Variants in PTPN3 observed in about 807,000 individuals in gnomAD.
The protein encoded by PTPN3 is tyrosine-protein phosphatase non-receptor type 3.
In PTPN3, 96 loss-of-function variants were observed where a neutral mutation model predicts 132.7. That is an observed-to-expected ratio of 0.72 (90% CI 0.61 to 0.86). The LOEUF is 0.86. PTPN3 is among the 40% of genes least tolerant of loss of function. PTPN3 has a pLI of 0.00. For synonymous variants in PTPN3, 398 were observed against 429.0 expected, an observed-to-expected ratio of 0.93 and a Z score of 0.89; for missense variants, 1,125 against 1,159.6, an observed-to-expected ratio of 0.97 and a Z score of 0.43.
chr9:109,450,525 T>C (rs1845179227), intron 5 of PTPN3: 2 of 985,086 alleles, frequency 2.0e-6, no homozygotes, highest in African/African-American at 1.7e-5. Context: ...TTGTCATATA[T>C]TGAGCAAAGT....
At chr9:109,391,037 C>G in intron 21 of PTPN3, 101 bp downstream of exon 21, 3 of 1,067,554 alleles carry the variant, frequency 2.8e-6, no homozygotes. Context: ...CGGTGGTGAA[C>G]GGGAAAGCAC....
chr9:109,439,901 T>G (rs1216256440), intron 7 of PTPN3, among the ~76,000 whole-genome samples: 2 of 150,528 alleles, frequency 1.3e-5, no homozygotes, highest in African/African-American at 4.9e-5. Context: ...ACAGCCAGAC[T>G]CTGTCTCAAA....
chr9:109,391,870 T>TG (rs367927103), intron 19 of PTPN3, among the ~76,000 whole-genome samples: 8,803 of 29,014 alleles, frequency 0.3, 1,097 homozygotes, highest in South Asian at 0.34. Context: ...CAACTAGATG[T>TG]GGGGGGGGGG....
intron 14 of PTPN3, among the ~76,000 whole-genome samples, chr9:109,415,040 G>GTCCGTCCGTCCATCCA (rs1379092108): frequency 1.4e-5 from 2 of 147,060 alleles, no homozygotes; most frequent in Non-Finnish European, 3.0e-5. Context: ...CTGTCCGTCC[G>GTCCGTCCGTCCATCCA]TCCGTCCGTC....
At chr9:109,462,742 G>A (rs1200707678) in intron 2 of PTPN3, among the ~76,000 whole-genome samples, 1 of 151,988 alleles carries the variant, frequency 6.6e-6, no homozygotes, top group Non-Finnish European at 1.5e-5. Context: ...ACCTCCCCAA[G>A]CCCTGCCATC....
intron 1 of PTPN3, among the ~76,000 whole-genome samples, chr9:109,489,448 C>T (rs1473057611): frequency 6.6e-6 from 1 of 152,202 alleles, no homozygotes; most frequent in Non-Finnish European, 1.5e-5. Flanking sequence ...TGCTGGCTCA[C>T]CCTGCACTGA....
At chr9:109,424,350 A>G (rs1208033495) in intron 12 of PTPN3, among the ~76,000 whole-genome samples, 2 of 152,208 alleles carry the variant, frequency 1.3e-5, no homozygotes, top group Non-Finnish European at 2.9e-5. Context: ...AGTATGCTGA[A>G]GCTGGCACAG....
chr9:109,399,710 C>T (rs1054505972), intron 19 of PTPN3, among the ~76,000 whole-genome samples: 13 of 151,260 alleles, frequency 8.6e-5, no homozygotes, highest in African/African-American at 2.9e-4. Context: ...CCAGCTCTCG[C>T]AGAAGGGAAT....
chr9:109,436,930 T>C lies in PTPN3; in HGVS notation c.628A>G (p.Ile210Val). ...QSEAESCYIN[I>V]ARTLDFYGVE... is the part of the protein sequence containing the mutation. ...CCATAGAAGTCGAGGGTCCGCGCTA[T>C]GTTGATATAGCAGGATTCTGCTTCT... is the stretch of plus-strand genomic sequence containing the variant. The change falls in exon 9 of 26, where the codon ATA becomes GTA. Residue 210 changes from isoleucine (I) to valine (V), a missense_variant. Transcript: ENST00000374541. 1 of 1,614,114 alleles carries C rather than the reference T, an allele frequency of 6.2e-7. No individual in the cohort carries two copies. The highest frequency in any genetic ancestry group is 8.5e-7 in the Non-Finnish European group (1 of 1,179,992).
the PTPN3 span, chr9:109,533,465 G>T: frequency 3.2e-6 from 5 of 1,560,382 alleles, no homozygotes; most frequent in Non-Finnish European, 4.4e-6. Context: ...TTTTCTGTGT[G>T]TCTGCGTCGG....
chr9:109,534,502 C>T, the PTPN3 span, among the ~76,000 whole-genome samples: 2 of 152,054 alleles, frequency 1.3e-5, no homozygotes, highest in Non-Finnish European at 2.9e-5. Context: ...TGTGGCCGGG[C>T]GTGGTGGCTC....
rs191407624 is a variant in PTPN3, at chr9:109,423,274, G to A, written c.1002-422C>T. Among the ~76,000 whole-genome samples, 336 of 152,292 alleles carry A rather than the reference G, an allele frequency of 2.2e-3. 3 individuals carry two copies. Among genetic ancestry groups the A allele is most frequent in the Non-Finnish European group, 3.1e-3 (212 of 68,018 alleles). ...GCAGGAGCTGTCACTATAAATCACTGGTAAATCTTTGAGAGAGAATCTGAA... is the reference window on the plus strand; with the variant it reads ...GCAGGAGCTGTCACTATAAATCACTAGTAAATCTTTGAGAGAGAATCTGAA... On this transcript the variant is annotated intron_variant, in intron 12 of 25. Transcript: ENST00000374541.
chr9:109,382,316 G>A lies in PTPN3; in HGVS notation c.2514C>T (p.Val838=), dbSNP rs1188791936. ...AAGCGCCATACCTGCAGTGAACTAG[G>A]ACGGGCTCGCTGTCCACTCTCAGAG... The part of the protein sequence containing the change: ...VRSLRVDSEP[V]LVHCSAGIGR... The change falls in exon 24 of 26, where the codon GTC becomes GTT. Residue 838 remains valine, a synonymous_variant. Transcript: ENST00000374541. 1.2e-6 allele frequency: 2 copies of A among 1,614,020 alleles called. No individual in the cohort carries two copies. Among genetic ancestry groups the A allele is most frequent in the South Asian group, 1.1e-5 (1 of 91,022 alleles).
At chr9:109,526,454 C>T in the PTPN3 span, among the ~76,000 whole-genome samples, 1 of 151,728 alleles carries the variant, frequency 6.6e-6, no homozygotes. Context: ...GGGAGGATTG[C>T]TTGAGCCCCG....
upstream of PTPN3, among the ~76,000 whole-genome samples, chr9:109,499,872 C>G (rs1397601518): frequency 6.6e-6 from 1 of 152,240 alleles, no homozygotes; most frequent in East Asian, 1.9e-4. Context: ...GGCCCGGCCT[C>G]GAGTCGCCAG....
chr9:109,433,671 C>T (rs1843821308), intron 9 of PTPN3, among the ~76,000 whole-genome samples: 2 of 152,054 alleles, frequency 1.3e-5, no homozygotes, highest in Non-Finnish European at 2.9e-5. Flanking sequence ...TTTACGAGGC[C>T]AAGGAGGGTG....
chr9:109,448,721 G>T (rs921384570), intron 6 of PTPN3, 90 bp downstream of exon 6: 4 of 1,277,794 alleles, frequency 3.1e-6, no homozygotes, highest in African/African-American at 1.5e-5. Context: ...GTTTAGATTT[G>T]ATATTGTTAC....
rs1588445785 is a variant in PTPN3, at chr9:109,449,118, G to A, written c.369-263C>T. 7.8e-6 allele frequency: 10 copies of A among 1,274,486 alleles called. No individual in the cohort carries two copies. In the East Asian group the frequency reaches 3.6e-4, roughly 47 times the overall value. The allele number at this position is 1,274,486 out of a possible 1,614,324, so 78.9% of individuals were successfully genotyped here. Reference sequence around the variant, plus strand: ...GGCTGTCCTATGAAGAGCTGAGCAGGGATGAATGGGGTGGAAACAGCCCAC... The same window carrying A: ...GGCTGTCCTATGAAGAGCTGAGCAGAGATGAATGGGGTGGAAACAGCCCAC... On this transcript the variant is annotated intron_variant, in intron 5 of 25. Coordinates refer to ENST00000374541, the MANE Select transcript of PTPN3 (RefSeq NM_002829.4).
At chr9:109,532,723 T>C in the PTPN3 span, 1 of 286,544 alleles carries the variant, frequency 3.5e-6, no homozygotes, top group Non-Finnish European at 6.4e-6. Context: ...AAGCAAGCAC[T>C]TAAGGTCTTC....
Sources: allele counts gnomAD v4.1 joint callset (sites outside exome capture counted in the v4.1 genomes callset), GRCh38; gene constraint gnomAD v4.1.1; transcripts MANE v1.5; gene names NCBI Gene and HGNC (gene_info 2026-07-23, HGNC 2026-07-21).